Variants in ITPR2 observed in about 807,000 individuals in gnomAD.
The protein encoded by ITPR2 is inositol 1,4,5-trisphosphate-gated calcium channel ITPR2.
A neutral mutation model predicts 317.1 loss-of-function variants in ITPR2; 207 were observed. The ratio of observed to expected loss-of-function variants is 0.65; its 90% confidence interval spans 0.58 to 0.73. The LOEUF (loss-of-function observed/expected upper bound fraction) is 0.73. ITPR2 is among the 30% of genes least tolerant of loss of function. The pLI is 0.00. For synonymous variants in ITPR2, 1,156 were observed against 1,149.1 expected (o/e 1.01, Z -0.12); for missense variants, 2,613 against 3,284.0 (o/e 0.80, Z 4.99).
At chr12:26,684,240 A>AG (rs781521430) in intron 11 of ITPR2, among the ~76,000 whole-genome samples, 3 of 152,360 alleles carry the variant, frequency 2.0e-5, no homozygotes, top group South Asian at 4.1e-4. Flanking sequence ...ATAAAGTTTA[A>AG]GCAGCATTGG....
chr12:26,543,335 C>A (rs1333537653), intron 37 of ITPR2, among the ~76,000 whole-genome samples: 1 of 151,924 alleles, frequency 6.6e-6, no homozygotes, highest in African/African-American at 2.4e-5. Context: ...TCTTCATCAG[C>A]ACACACATAC....
chr12:26,740,248 A>C (rs897367053), intron 2 of ITPR2, among the ~76,000 whole-genome samples: 1 of 152,226 alleles, frequency 6.6e-6, no homozygotes, highest in Non-Finnish European at 1.5e-5. Context: ...GAGTCATGCC[A>C]AAAATACTTG....
intron 37 of ITPR2, among the ~76,000 whole-genome samples, chr12:26,519,816 T>C (rs1340996636): frequency 6.6e-6 from 1 of 152,152 alleles, no homozygotes; most frequent in Non-Finnish European, 1.5e-5. Context: ...GTTTAAAACA[T>C]AAAGAGGTTC....
At chr12:26,393,992 C>T (rs1302179306) in intron 54 of ITPR2, among the ~76,000 whole-genome samples, 1 of 150,446 alleles carries the variant, frequency 6.6e-6, no homozygotes, top group Non-Finnish European at 1.5e-5. Flanking sequence ...TTCACCAATG[C>T]ACATTATGAA....
chr12:26,536,667 T>C (rs139155068), intron 37 of ITPR2, among the ~76,000 whole-genome samples: 48 of 150,864 alleles, frequency 3.2e-4, no homozygotes, highest in Middle Eastern at 3.6e-3. Flanking sequence ...TGGTGGACTC[T>C]GGAAGAGAGA....
chr12:26,368,997 G>T (rs959194193), intron 55 of ITPR2, among the ~76,000 whole-genome samples: 1 of 152,214 alleles, frequency 6.6e-6, no homozygotes, highest in African/African-American at 2.4e-5. Flanking sequence ...GCCTCTCTGA[G>T]TTGATGACAT....
chr12:26,803,329 C>A (rs1315097360), intron 1 of ITPR2, among the ~76,000 whole-genome samples: 1 of 151,446 alleles, frequency 6.6e-6, no homozygotes, highest in East Asian at 1.9e-4. Flanking sequence ...CTCCTCAATA[C>A]CCAGCACAGT....
At chr12:26,612,835 T>C (rs375813042) in intron 26 of ITPR2, among the ~76,000 whole-genome samples, 17 of 152,238 alleles carry the variant, frequency 1.1e-4, no homozygotes, top group African/African-American at 3.9e-4. Context: ...TTTCCAGTCA[T>C]TGCAAATACA....
chr12:26,662,072 C>T (rs927348498), intron 15 of ITPR2, among the ~76,000 whole-genome samples: 1 of 152,166 alleles, frequency 6.6e-6, no homozygotes, highest in Non-Finnish European at 1.5e-5. Flanking sequence ...AGCTCTTACT[C>T]CTATTCCTTG....
chr12:26,404,985 T>G (rs1940301204), intron 52 of ITPR2, among the ~76,000 whole-genome samples: 1 of 151,928 alleles, frequency 6.6e-6, no homozygotes, highest in Non-Finnish European at 1.5e-5. Flanking sequence ...AATTCAAAAA[T>G]TAGCTGAGCA....
chr12:26,413,230 T>G (rs550859887), intron 51 of ITPR2, among the ~76,000 whole-genome samples: 1 of 152,364 alleles, frequency 6.6e-6, no homozygotes, highest in South Asian at 2.1e-4. Flanking sequence ...GCAGGCAGGA[T>G]CTGCGTTTGC....
At chr12:26,733,050 G>C (rs1049685039) in intron 2 of ITPR2, among the ~76,000 whole-genome samples, 1 of 152,146 alleles carries the variant, frequency 6.6e-6, no homozygotes, top group African/African-American at 2.4e-5. Context: ...CCACTGGCCA[G>C]GCCAGGCACG....
chr12:26,798,980 A>AT (rs930636753), intron 1 of ITPR2, among the ~76,000 whole-genome samples: 15 of 152,348 alleles, frequency 9.8e-5, no homozygotes, highest in African/African-American at 3.6e-4. Flanking sequence ...GGTTTTATTG[A>AT]TTTTTAAATT....
chr12:26,387,616 A>C, intron 54 of ITPR2, 22 bp from the exon 55 acceptor site: 1 of 1,606,596 alleles, frequency 6.2e-7, no homozygotes, highest in East Asian at 2.2e-5. Context: ...AGGCAACACA[A>C]TATATGTAAT....
At chr12:26,344,893 C>A (rs971089965) in intron 55 of ITPR2, among the ~76,000 whole-genome samples, 8 of 152,138 alleles carry the variant, frequency 5.3e-5, no homozygotes, top group Non-Finnish European at 1.0e-4. Context: ...TCTCTTCGTT[C>A]CTAAATATTA....
At chr12:26,716,444 T>C (rs1354271000) in intron 5 of ITPR2, among the ~76,000 whole-genome samples, 1 of 152,176 alleles carries the variant, frequency 6.6e-6, no homozygotes, top group African/African-American at 2.4e-5. Flanking sequence ...TGTCCCATAG[T>C]GCCTATCAGT....
In ITPR2 at chr12:26,451,274, C is replaced by A. The variant is rs75199541; in HGVS notation, c.6343-7624G>T. 3.6e-3 allele frequency among the ~76,000 whole-genome samples: 554 copies of A among 151,856 alleles called. 4 individuals carry two copies. Among genetic ancestry groups the A allele is most frequent in the African/African-American group, 0.013 (533 of 41,382 alleles). The stretch of plus-strand genomic sequence containing the variant: ...ACAACACAGACTCTTGAGTACCCTG[C>A]AAGACAGCTCTGGAGGATTCATGGA... On this transcript the variant is annotated intron_variant, in intron 45 of 56. Transcript: ENST00000381340.
At chr12:26,494,569 A>T (rs1464803898) in intron 38 of ITPR2, among the ~76,000 whole-genome samples, 1 of 152,024 alleles carries the variant, frequency 6.6e-6, no homozygotes, top group African/African-American at 2.4e-5. Flanking sequence ...CAGGAGTCTG[A>T]GACCAGCCTG....
intron 13 of ITPR2, among the ~76,000 whole-genome samples, chr12:26,675,974 A>G (rs536844120): frequency 5.3e-5 from 8 of 152,142 alleles, no homozygotes; most frequent in African/African-American, 1.7e-4. Flanking sequence ...CCTGGCCAAC[A>G]TGGTGAAACC....
Sources: allele counts gnomAD v4.1 joint callset (sites outside exome capture counted in the v4.1 genomes callset), GRCh38; gene constraint gnomAD v4.1.1; transcripts MANE v1.5; gene names NCBI Gene and HGNC (gene_info 2026-07-23, HGNC 2026-07-21).